GABRR2: variants seen among roughly 807,000 people sequenced by gnomAD.
GABRR2 encodes the protein gamma-aminobutyric acid receptor subunit rho-2.
A neutral mutation model predicts 47.0 loss-of-function variants in GABRR2; 36 were observed. That is an observed-to-expected ratio of 0.77 (90% CI 0.59 to 1.01). GABRR2 has a LOEUF of 1.01. Among genes scored for constraint, GABRR2 ranks in the 50% least tolerant of loss-of-function variants. GABRR2 has a pLI of 0.00. For synonymous variants in GABRR2, 204 were observed against 227.5 expected (o/e 0.90, Z 0.93); for missense variants, 587 against 594.6 (o/e 0.99, Z 0.13).
At chr6:89,303,004 A>T in intron 1 of GABRR2, 1 of 1,286,962 alleles carries the variant, frequency 7.8e-7, no homozygotes, top group South Asian at 1.2e-5. Flanking sequence ...CAAGAGCAAC[A>T]TGAATGACCT....
At chr6:89,265,586 C>G (rs748932481) in intron 7 of GABRR2, 27 bp downstream of exon 7, 25 of 1,598,408 alleles carry the variant, frequency 1.6e-5, no homozygotes, top group Non-Finnish European at 2.1e-5. Context: ...AATAACCACC[C>G]TACCACACCT....
Position 89,257,891 on chromosome 6 carries a change from G to A in GABRR2, c.1177C>T (p.Pro393Ser), listed in dbSNP as rs1444808459. Residue 393 changes from proline to serine, a missense_variant, in exon 9 of 9, where the codon CCC becomes TCC. Coordinates refer to ENST00000402938, the MANE Select transcript of GABRR2 (RefSeq NM_002043.5). Reference sequence around the variant, plus strand: ...TCTTCTGTCAGGATATGGCTTCTGGGGTACCCAGCCAGGCTGTTGGCCTCA... The same window carrying A: ...TCTTCTGTCAGGATATGGCTTCTGGAGTACCCAGCCAGGCTGTTGGCCTCA... ...ESEANSLAGY[P>S]RSHILTEEER... 1 of 1,613,900 alleles carries A rather than the reference G, an allele frequency of 6.2e-7. No homozygotes were observed. The highest frequency in any genetic ancestry group is 8.5e-7 in the Non-Finnish European group (1 of 1,179,878).
In GABRR2 at chr6:89,269,183, CT is replaced by C; in HGVS notation, c.339del (p.Ala114LeufsTer10). The C allele has an allele frequency of 6.2e-7, 1 of 1,614,068 alleles. No homozygotes were observed. ...YLRHYWKDER[L>X]AFSSASNKSM... The stretch of plus-strand genomic sequence containing the variant: ...CTCTTGTTGCTGGCGCTGGAGAAAG[CT>C]AGCCTCTCATCCTTCCAGTAATGCC... On this transcript the variant is annotated frameshift_variant, in exon 4 of 9. Coordinates refer to ENST00000402938, the MANE Select transcript of GABRR2 (RefSeq NM_002043.5). LOFTEE classifies it high-confidence loss of function.
At chr6:89,312,282 A>G (rs527850745) in intron 1 of GABRR2, among the ~76,000 whole-genome samples, 3 of 152,382 alleles carry the variant, frequency 2.0e-5, no homozygotes, top group Admixed American at 2.0e-4. Flanking sequence ...ATAACAGCCA[A>G]GAGGAAACAG....
In GABRR2 at chr6:89,264,584, G is replaced by A. The variant is rs142375630; in HGVS notation, c.914C>T (p.Thr305Ile). The change falls in exon 8 of 9, where the codon ACC becomes ATC. Residue 305 changes from threonine to isoleucine, a missense_variant. Transcript: ENST00000402938. ...SLGITTVLTM[T>I]TIITGVNASM... is the part of the protein sequence containing the mutation. Reference sequence around the variant, plus strand: ...GGCATTCACGCCCGTGATGATGGTGGTCATGGTCAGCACCGTCGTGATACC... The same window carrying A: ...GGCATTCACGCCCGTGATGATGGTGATCATGGTCAGCACCGTCGTGATACC... 102 of 1,614,082 alleles carry A rather than the reference G, an allele frequency of 6.3e-5. 2 individuals are homozygous for A. The highest frequency in any genetic ancestry group is 4.9e-4 in the Middle Eastern group (3 of 6,084).
In GABRR2 at chr6:89,267,823, T is replaced by C. The variant is rs1309619169; in HGVS notation, c.596-4A>G. On this transcript the variant is annotated splice_polypyrimidine_tract_variant and splice_region_variant and intron_variant, in intron 5 of 8. Transcript: ENST00000402938. ...AGATCTTCATCTGTATAGGCATCTTTGGGAAGAGGAAAACAAGTTAATTTG... is the reference window on the plus strand; with the variant it reads ...AGATCTTCATCTGTATAGGCATCTTCGGGAAGAGGAAAACAAGTTAATTTG... 1 of 1,608,926 alleles carries C rather than the reference T, an allele frequency of 6.2e-7. No individual in the cohort carries two copies. The highest frequency in any genetic ancestry group is 1.3e-5 in the African/African-American group (1 of 74,730).
chr6:89,308,239 C>A (rs548319799), intron 1 of GABRR2, among the ~76,000 whole-genome samples: 260 of 152,300 alleles, frequency 1.7e-3, no homozygotes, highest in African/African-American at 6.0e-3. Flanking sequence ...AAGTTTCATT[C>A]CTCACCGGCT....
intron 2 of GABRR2, among the ~76,000 whole-genome samples, chr6:89,281,930 G>A (rs773142007): frequency 2.0e-5 from 3 of 152,080 alleles, no homozygotes; most frequent in Non-Finnish European, 4.4e-5. Flanking sequence ...CTCAGCACCC[G>A]CGTCTGCTTA....
intron 2 of GABRR2, among the ~76,000 whole-genome samples, chr6:89,296,059 CAG>C (rs1582459604): frequency 6.6e-6 from 1 of 152,184 alleles, no homozygotes; most frequent in South Asian, 2.1e-4. Context: ...AGAAGCCTGT[CAG>C]GGGCTGCTTC....
chr6:89,299,247 A>G (rs910973268), intron 2 of GABRR2, among the ~76,000 whole-genome samples: 2 of 152,092 alleles, frequency 1.3e-5, no homozygotes, highest in Admixed American at 6.5e-5. Context: ...GCACTGGAAA[A>G]CAGGTGACTC....
At chr6:89,307,996 T>C (rs1234493841) in intron 1 of GABRR2, among the ~76,000 whole-genome samples, 1 of 152,074 alleles carries the variant, frequency 6.6e-6, no homozygotes, top group East Asian at 1.9e-4. Flanking sequence ...TTTGTATTTT[T>C]AGTAGAGACG....
chr6:89,300,871 C>G (rs1767411840), intron 1 of GABRR2, among the ~76,000 whole-genome samples: 1 of 152,074 alleles, frequency 6.6e-6, no homozygotes, highest in Non-Finnish European at 1.5e-5. Context: ...CGGGACTCCT[C>G]CCCAGTTCAT....
chr6:89,294,518 G>A (rs981360532), intron 2 of GABRR2, among the ~76,000 whole-genome samples: 1 of 152,066 alleles, frequency 6.6e-6, no homozygotes, highest in Non-Finnish European at 1.5e-5. Context: ...TGAGGACATA[G>A]TCCACAACAA....
intron 2 of GABRR2, among the ~76,000 whole-genome samples, chr6:89,294,071 G>T (rs1200013726): frequency 2.0e-5 from 3 of 152,048 alleles, no homozygotes; most frequent in Non-Finnish European, 4.4e-5. Context: ...AAAATATTTT[G>T]TTTAAAAAAT....
chr6:89,305,433 A>C (rs574133765), intron 1 of GABRR2, among the ~76,000 whole-genome samples: 1 of 152,304 alleles, frequency 6.6e-6, no homozygotes, highest in Admixed American at 6.5e-5. Flanking sequence ...TAATCCCAGC[A>C]CTTGGGAGGC....
At position 89,315,289 on chromosome 6, in the gene GABRR2, C is replaced by A; in HGVS notation, c.-124G>T. On this transcript the variant is annotated 5_prime_UTR_variant, in exon 1 of 9. Coordinates refer to ENST00000402938, the MANE Select transcript of GABRR2 (RefSeq NM_002043.5). ...GGGCTGCTCTGAGGGGCTGTGAGGGCAAGGCTGGCCAGGCTAGTTGTCCCG... is the reference window on the plus strand; with the variant it reads ...GGGCTGCTCTGAGGGGCTGTGAGGGAAAGGCTGGCCAGGCTAGTTGTCCCG... 1 of 1,559,716 alleles carries A rather than the reference C, an allele frequency of 6.4e-7. No individual in the cohort carries two copies. The highest frequency in any genetic ancestry group is 1.2e-5 in the South Asian group (1 of 83,330).
At chr6:89,292,346 TTATATA>T (rs57703020) in intron 2 of GABRR2, among the ~76,000 whole-genome samples, 378 of 13,842 alleles carry the variant, frequency 0.027, 55 homozygotes, top group Middle Eastern at 0.042. Flanking sequence ...AAAAAAAATT[TTATATA>T]TATATATATA....
At chr6:89,296,020 C>T (rs1774546832) in intron 2 of GABRR2, among the ~76,000 whole-genome samples, 1 of 152,142 alleles carries the variant, frequency 6.6e-6, no homozygotes, top group South Asian at 2.1e-4. Context: ...GTTTTGGTTA[C>T]TTTGGGGGCC....
chr6:89,302,400 C>A, intron 1 of GABRR2: 1 of 566,502 alleles, frequency 1.8e-6, no homozygotes, highest in Non-Finnish European at 3.5e-6. Context: ...CGCTCTAGGA[C>A]ATCTGCGTCA....
Sources: allele counts gnomAD v4.1 joint callset (sites outside exome capture counted in the v4.1 genomes callset), GRCh38; gene constraint gnomAD v4.1.1; transcripts MANE v1.5; gene names NCBI Gene and HGNC (gene_info 2026-07-23, HGNC 2026-07-21).